ANKMY1: variants seen among roughly 807,000 people sequenced by gnomAD.
ANKMY1 encodes ankyrin repeat and MYND domain-containing protein 1.
ANKMY1 carries 98 observed loss-of-function variants against 102.0 expected under a neutral mutation model. That is an observed-to-expected ratio of 0.96 (90% CI 0.82 to 1.14). The LOEUF (loss-of-function observed/expected upper bound fraction) is 1.14. Ranked by LOEUF, ANKMY1 falls within the 50% of genes most tolerant of loss-of-function variation. The probability of loss-of-function intolerance (pLI) is 0.00; values close to 1 mark genes in which losing one functional copy is unlikely to be tolerated. For missense variants in ANKMY1, 1,330 were observed against 1,347.6 expected (o/e 0.99, Z 0.20); for synonymous variants, 582 against 559.9 (o/e 1.04, Z -0.56).
chr2:240,522,006 G>C (rs1016875311), intron 8 of ANKMY1: 2 of 152,256 alleles, frequency 1.3e-5, no homozygotes, highest in East Asian at 3.8e-4. Context: ...AGGAAACTAA[G>C]CAGGTTGTCG....
In ANKMY1 at chr2:240,529,049, G is replaced by A. The variant is rs764877982; in HGVS notation, c.941C>T (p.Thr314Ile). 6.2e-7 allele frequency: 1 copy of A among 1,614,062 alleles called. No homozygotes were observed. The highest frequency in any genetic ancestry group is 2.2e-5 in the East Asian group (1 of 44,878). The change falls in exon 5 of 18, where the codon ACT (threonine) becomes ATT (isoleucine). Residue 314 changes from threonine to isoleucine, a missense_variant. Transcript: ENST00000401804. The surrounding 1 kb of genome is among the most constrained non-coding windows in gnomAD (Gnocchi z 4.2). ...GCAGACTAGTCACCTGAACTTGTAAGTTTGCTTCTGGATTTTGACCAACAA... is the reference window on the plus strand; with the variant it reads ...GCAGACTAGTCACCTGAACTTGTAAATTTGCTTCTGGATTTTGACCAACAA... The part of the protein sequence containing the change: ...TPLLVKIQKQ[T>I]YKFRNKPAHT...
downstream of ANKMY1, among the ~76,000 whole-genome samples, chr2:240,475,812 G>T (rs1301897406): frequency 6.6e-6 from 1 of 151,710 alleles, no homozygotes; most frequent in Non-Finnish European, 1.5e-5. Flanking sequence ...ATAAAATATA[G>T]AATATATACT....
rs990254022 is a variant in ANKMY1 at position 240,506,174 on chromosome 2, C to A, written c.2526+1386G>T. 5.9e-5 allele frequency among the ~76,000 whole-genome samples: 9 copies of A among 152,146 alleles called. No homozygotes were observed. The highest frequency in any genetic ancestry group is 5.2e-4 in the Admixed American group (8 of 15,280). On this transcript the variant is annotated intron_variant, in intron 13 of 17. Transcript: ENST00000401804. The surrounding 1 kb of genome is among the most constrained non-coding windows in gnomAD (Gnocchi z 4.9). ...GGCGCTGGGAGCCCCCAACCCCGGA[C>A]GAAGGACTATTCTGTATGTTCAAGG... is the stretch of plus-strand genomic sequence containing the variant.
At chr2:240,484,240 C>G (rs973753626) in intron 15 of ANKMY1, among the ~76,000 whole-genome samples, 1 of 152,102 alleles carries the variant, frequency 6.6e-6, no homozygotes, top group Non-Finnish European at 1.5e-5. Context: ...GCTTGTATAG[C>G]GAAGACAATC....
intron 4 of ANKMY1, among the ~76,000 whole-genome samples, chr2:240,539,829 C>A (rs2088155770): frequency 6.6e-6 from 1 of 152,108 alleles, no homozygotes; most frequent in Non-Finnish European, 1.5e-5. Flanking sequence ...CCCCTCCTGG[C>A]CAAGAGGACC....
chr2:240,531,309 C>T (rs1401262695), intron 4 of ANKMY1, among the ~76,000 whole-genome samples: 5 of 152,304 alleles, frequency 3.3e-5, no homozygotes, highest in South Asian at 4.2e-4. Context: ...ACGGCACAGT[C>T]GCTTTGAATG....
intron 4 of ANKMY1, among the ~76,000 whole-genome samples, chr2:240,543,728 TA>T (rs2152537213): frequency 1.3e-5 from 2 of 152,230 alleles, no homozygotes; most frequent in South Asian, 4.1e-4. Flanking sequence ...AAATAAAATA[TA>T]TTTATATACA....
intron 4 of ANKMY1, among the ~76,000 whole-genome samples, chr2:240,545,022 C>T (rs2090016971): frequency 1.3e-5 from 2 of 152,268 alleles, no homozygotes; most frequent in East Asian, 1.9e-4. Context: ...TCAAGGAGGC[C>T]TGCCTGCCTC....
rs993483003 is a variant in ANKMY1, at chr2:240,520,576, C to T, written c.1833-43G>A. 1 of 1,576,164 alleles carries T rather than the reference C, an allele frequency of 6.3e-7. No homozygotes were observed. The highest frequency in any genetic ancestry group is 8.6e-7 in the Non-Finnish European group (1 of 1,161,128). ...CCCGTGGGCCCCTGGAGGGCAGGCA[C>T]CTGCACTGCGCCCAGAACGGGGCCA... is the stretch of plus-strand genomic sequence containing the variant. On this transcript the variant is annotated intron_variant, in intron 8 of 17. Coordinates refer to ENST00000401804, the MANE Select transcript of ANKMY1 (RefSeq NM_001282771.3). The surrounding 1 kb of genome is among the most constrained non-coding windows in gnomAD (Gnocchi z 4.8).
At chr2:240,493,472 T>G (rs1218468688) in intron 15 of ANKMY1, among the ~76,000 whole-genome samples, 2 of 152,238 alleles carry the variant, frequency 1.3e-5, no homozygotes, top group African/African-American at 4.8e-5. Context: ...TTTTCCTATT[T>G]TTATTTTTAT....
At chr2:240,531,112 G>A (rs2085283252) in intron 4 of ANKMY1, among the ~76,000 whole-genome samples, 1 of 152,114 alleles carries the variant, frequency 6.6e-6, no homozygotes, top group Non-Finnish European at 1.5e-5. Context: ...TAGAAGATAT[G>A]TAGATAACAA....
chr2:240,521,260 G>C (rs1247670924), intron 8 of ANKMY1, among the ~76,000 whole-genome samples: 1 of 152,114 alleles, frequency 6.6e-6, no homozygotes, highest in Non-Finnish European at 1.5e-5. Context: ...GAACTAGATC[G>C]TCCTTGAGCA....
At position 240,544,545 on chromosome 2, in the gene ANKMY1, G is replaced by A. The variant is rs55902501; in HGVS notation, c.480+8369C>T. On this transcript the variant is annotated intron_variant, in intron 4 of 17. Transcript: ENST00000401804. ...AGGAACAGCTCTGGTCTACAGCTCCGAGCATAAGCGACGCAGAAGATGGGT... is the reference window on the plus strand; with the variant it reads ...AGGAACAGCTCTGGTCTACAGCTCCAAGCATAAGCGACGCAGAAGATGGGT... 1.1e-3 allele frequency among the ~76,000 whole-genome samples: 163 copies of A among 152,214 alleles called. 1 individual carries two copies. Among genetic ancestry groups the A allele is most frequent in the African/African-American group, 3.8e-3 (156 of 41,530 alleles).
At chr2:240,547,936 A>G (rs1158688966) in intron 4 of ANKMY1, among the ~76,000 whole-genome samples, 6 of 152,356 alleles carry the variant, frequency 3.9e-5, no homozygotes, top group African/African-American at 1.2e-4. Flanking sequence ...CCAGAGGTAC[A>G]AGGGGGAACT....
upstream of ANKMY1, chr2:240,558,492 G>C (rs181265227): frequency 3.3e-5 from 5 of 152,540 alleles, no homozygotes; most frequent in East Asian, 9.6e-4. Flanking sequence ...CTCGGGGAAG[G>C]ACTGCAGGAG....
chr2:240,554,789 C>A, intron 3 of ANKMY1, 77 bp downstream of exon 3: 1 of 1,531,720 alleles, frequency 6.5e-7, no homozygotes, highest in Non-Finnish European at 8.9e-7. Flanking sequence ...AGTTCCCGTC[C>A]CATCACTCTT....
chr2:240,498,026 C>T (rs1438641149), intron 15 of ANKMY1, among the ~76,000 whole-genome samples: 1 of 152,122 alleles, frequency 6.6e-6, no homozygotes, highest in African/African-American at 2.4e-5. Flanking sequence ...AAGGCAGAGC[C>T]TGTATCCCCC....
At chr2:240,539,345 G>A (rs1017713535) in intron 4 of ANKMY1, among the ~76,000 whole-genome samples, 6 of 151,630 alleles carry the variant, frequency 4.0e-5, no homozygotes, top group African/African-American at 1.2e-4. Flanking sequence ...AACTCCAGAC[G>A]CACCACCTTA....
chr2:240,532,087 T>A (rs78542300), intron 4 of ANKMY1: 8,612 of 468,592 alleles, frequency 0.018, 263 homozygotes, highest in African/African-American at 0.09. Flanking sequence ...TTTGAAGAAA[T>A]AACAGTTGAG....
Sources: allele counts gnomAD v4.1 joint callset (sites outside exome capture counted in the v4.1 genomes callset), GRCh38; gene constraint gnomAD v4.1.1; non-coding constraint Gnocchi (gnomAD v3.1); transcripts MANE v1.5; gene names NCBI Gene and HGNC (gene_info 2026-07-23, HGNC 2026-07-21).